SERGEF: variants seen among roughly 807,000 people sequenced by gnomAD.
SERGEF encodes secretion regulating guanine nucleotide exchange factor.
In SERGEF, 51 loss-of-function variants were observed where a neutral mutation model predicts 50.0. That is an observed-to-expected ratio of 1.02 (90% CI 0.81 to 1.29). The LOEUF (loss-of-function observed/expected upper bound fraction) is 1.29. SERGEF is among the 50% of genes most tolerant of loss of function. SERGEF has a pLI of 0.00. For synonymous variants in SERGEF, 205 were observed against 212.4 expected, an observed-to-expected ratio of 0.97 and a Z score of 0.30; for missense variants, 521 against 557.0, an observed-to-expected ratio of 0.94 and a Z score of 0.65.
Position 17,985,426 on chromosome 11 carries a change from A to C in SERGEF, c.844+3171T>G, listed in dbSNP as rs148208868. ...AACTAGGAAGGCACCCAGATCTGCC[A>C]TCCAACTCTCATTAAAAGCACCTCC... On this transcript the variant is annotated intron_variant, in intron 8 of 10. Coordinates refer to ENST00000265965, the MANE Select transcript of SERGEF (RefSeq NM_012139.4). 7.6e-3 allele frequency among the ~76,000 whole-genome samples: 1,156 copies of C among 152,288 alleles called. 19 individuals carry two copies. The highest frequency in any genetic ancestry group is 0.026 in the African/African-American group (1,085 of 41,564).
intron 9 of SERGEF, among the ~76,000 whole-genome samples, chr11:17,913,131 T>C (rs1851984513): frequency 6.6e-6 from 1 of 152,194 alleles, no homozygotes; most frequent in Admixed American, 6.5e-5. Flanking sequence ...TTTTGGGTAG[T>C]ATATGACCCT....
intron 10 of SERGEF, among the ~76,000 whole-genome samples, chr11:17,876,047 C>G (rs1054200853): frequency 1.7e-4 from 26 of 152,192 alleles, no homozygotes; most frequent in Admixed American, 2.6e-4. Flanking sequence ...TAGCCTCCTG[C>G]TAGGACTAAC....
intron 9 of SERGEF, among the ~76,000 whole-genome samples, chr11:17,928,056 A>C (rs1407132756): frequency 6.6e-6 from 1 of 152,252 alleles, no homozygotes; most frequent in Non-Finnish European, 1.5e-5. Context: ...TGAAGTCTTT[A>C]GATAAAATGA....
chr11:17,863,010 C>G (rs1281138486), intron 10 of SERGEF, among the ~76,000 whole-genome samples: 1 of 152,216 alleles, frequency 6.6e-6, no homozygotes, highest in African/African-American at 2.4e-5. Context: ...GCTTGATATG[C>G]TAATTAACCT....
At chr11:17,901,418 C>T (rs1011054740) in intron 9 of SERGEF, among the ~76,000 whole-genome samples, 8 of 152,234 alleles carry the variant, frequency 5.3e-5, no homozygotes, top group Non-Finnish European at 8.8e-5. Context: ...GAACAAACCA[C>T]GAATCCTTTA....
rs182526648 is a variant in SERGEF, at chr11:17,953,158, G to A, written c.1011+6312C>T. Among the ~76,000 whole-genome samples the A allele has an allele frequency of 7.2e-4, 108 of 150,476 alleles. 1 individual carries two copies. The highest frequency in any genetic ancestry group is 3.4e-3 in the Middle Eastern group (1 of 294). ...GTCACCAAGACACGGGAAGGGACAG[G>A]ATCAACATATTTTCATTGCCAGACT... On this transcript the variant is annotated intron_variant, in intron 9 of 10. Transcript: ENST00000265965.
At chr11:17,817,315 T>C (rs1330286018) in intron 10 of SERGEF, among the ~76,000 whole-genome samples, 1 of 151,778 alleles carries the variant, frequency 6.6e-6, no homozygotes. Flanking sequence ...CCCGGGTTCA[T>C]GCCATTCTCC....
At chr11:17,941,986 T>C (rs989108614) in intron 9 of SERGEF, among the ~76,000 whole-genome samples, 28 of 151,684 alleles carry the variant, frequency 1.8e-4, no homozygotes, top group African/African-American at 6.5e-4. Context: ...GCTGTTTGGT[T>C]TTTGTTGTTG....
intron 10 of SERGEF, among the ~76,000 whole-genome samples, chr11:17,805,323 C>T (rs553733913): frequency 3.6e-4 from 55 of 152,290 alleles, no homozygotes; most frequent in African/African-American, 1.2e-3. Flanking sequence ...AGGGCCCTCC[C>T]GGATCTGATG....
Position 17,861,644 on chromosome 11 carries a change from G to A in SERGEF, c.1048+16564C>T, listed in dbSNP as rs191981012. ...TGAGGACCTACTGACACATGCATGC[G>A]TGCCGCAAGGGCTACACTGTGGAGC... is the stretch of plus-strand genomic sequence containing the variant. On this transcript the variant is annotated intron_variant, in intron 10 of 10. Transcript: ENST00000265965. 1.2e-3 allele frequency among the ~76,000 whole-genome samples: 188 copies of A among 152,368 alleles called. 1 individual carries two copies. Among genetic ancestry groups the A allele is most frequent in the South Asian group, 0.011 (55 of 4,828 alleles).
chr11:17,931,296 AC>A (rs1852347484), intron 9 of SERGEF, among the ~76,000 whole-genome samples: 1 of 152,174 alleles, frequency 6.6e-6, no homozygotes, highest in African/African-American at 2.4e-5. Context: ...AAATCATACT[AC>A]TATCAGAAAG....
Position 18,000,553 on chromosome 11 carries a change from T to G in SERGEF, c.452A>C (p.His151Pro), listed in dbSNP as rs766570994. 2 of 1,584,084 alleles carry G rather than the reference T, an allele frequency of 1.3e-6. No individual in the cohort carries two copies. Among genetic ancestry groups the G allele is most frequent in the African/African-American group, 2.7e-5 (2 of 72,972 alleles). ...RCVVPQAIELHKEKVVCIAAG... is the reference protein window; with the variant it reads ...RCVVPQAIELPKEKVVCIAAG... ...AGCAATACAAACAACCTTCTCTTTA[T>G]GGAGCTGTCAAAATAAAGAAAAGGA... Residue 151 changes from histidine (H) to proline (P), a missense_variant, in exon 5 of 11, where the codon CAT becomes CCT. His to Pro is a moderately conservative substitution (Grantham distance 77). Transcript: ENST00000265965.
chr11:17,930,229 A>G (rs1191739687), intron 9 of SERGEF, among the ~76,000 whole-genome samples: 1 of 152,238 alleles, frequency 6.6e-6, no homozygotes, highest in African/African-American at 2.4e-5. Context: ...GGGTAAAGTA[A>G]CTGGCACAAA....
chr11:17,870,747 T>A (rs1851123551), intron 10 of SERGEF, among the ~76,000 whole-genome samples: 1 of 152,140 alleles, frequency 6.6e-6, no homozygotes. Flanking sequence ...TCATTTATAA[T>A]AACTAAAATT....
At chr11:17,997,810 T>A (rs1182356388) in intron 5 of SERGEF, among the ~76,000 whole-genome samples, 1 of 152,160 alleles carries the variant, frequency 6.6e-6, no homozygotes, top group Admixed American at 6.5e-5. Flanking sequence ...TCCACTTAGA[T>A]GAGAGACTTA....
chr11:17,889,871 A>T (rs1851500222), intron 9 of SERGEF, among the ~76,000 whole-genome samples: 1 of 152,092 alleles, frequency 6.6e-6, no homozygotes, highest in African/African-American at 2.4e-5. Flanking sequence ...CTGTGGTGAA[A>T]GTTTAGAATA....
chr11:17,963,541 C>A (rs1264746471), intron 8 of SERGEF, among the ~76,000 whole-genome samples: 1 of 151,864 alleles, frequency 6.6e-6, no homozygotes, highest in Non-Finnish European at 1.5e-5. Context: ...TCATGCACCA[C>A]CATCCGGCCA....
At chr11:17,973,452 C>A (rs532737751) in intron 8 of SERGEF, among the ~76,000 whole-genome samples, 1 of 152,158 alleles carries the variant, frequency 6.6e-6, no homozygotes, top group Non-Finnish European at 1.5e-5. Flanking sequence ...GAGAAACTGG[C>A]TTTGGGGAAA....
intron 8 of SERGEF, among the ~76,000 whole-genome samples, chr11:17,972,187 T>C (rs1853261288): frequency 6.6e-6 from 1 of 152,242 alleles, no homozygotes; most frequent in Non-Finnish European, 1.5e-5. Flanking sequence ...AGCGATTTTA[T>C]AAACTTAATT....
Sources: allele counts gnomAD v4.1 joint callset (sites outside exome capture counted in the v4.1 genomes callset), GRCh38; gene constraint gnomAD v4.1.1; transcripts MANE v1.5; gene names NCBI Gene and HGNC (gene_info 2026-07-23, HGNC 2026-07-21).